Variants in RSF1 observed in about 807,000 individuals in gnomAD.
RSF1 encodes the protein remodeling and spacing factor 1, also known as HBV pX-associated protein 8.
A neutral mutation model predicts 145.2 loss-of-function variants in RSF1; 13 were observed. That is an observed-to-expected ratio of 0.09 (90% CI 0.06 to 0.14). The LOEUF is 0.14. Ranked by LOEUF, RSF1 falls within the 10% of genes least tolerant of loss-of-function variation. The pLI is 1.00. For missense variants in RSF1, 1,517 were observed against 1,718.2 expected, an observed-to-expected ratio of 0.88 and a Z score of 2.07; for synonymous variants, 577 against 592.6, an observed-to-expected ratio of 0.97 and a Z score of 0.38.
At chr11:77,688,875 G>T (rs540506108) in intron 9 of RSF1, among the ~76,000 whole-genome samples, 147 of 152,346 alleles carry the variant, frequency 9.6e-4, no homozygotes, top group Non-Finnish European at 1.8e-3. Context: ...TTACGAGCCA[G>T]AGTGCTCAAA....
At chr11:77,831,669 G>A in the RSF1 span, among the ~76,000 whole-genome samples, 1 of 149,932 alleles carries the variant, frequency 6.7e-6, no homozygotes, top group Non-Finnish European at 1.5e-5. Flanking sequence ...GAAAGAAGCA[G>A]CCACCTTTCA....
chr11:77,690,033 G>A (rs1240066997), intron 9 of RSF1, among the ~76,000 whole-genome samples: 2 of 151,908 alleles, frequency 1.3e-5, no homozygotes, highest in Non-Finnish European at 2.9e-5. Flanking sequence ...GTGGTGGCGG[G>A]TGCCTGTAGT....
At position 77,701,125 on chromosome 11, in the gene RSF1, G is replaced by T; in HGVS notation, c.2104C>A (p.Gln702Lys). 1 of 1,613,296 alleles carries T rather than the reference G, an allele frequency of 6.2e-7. No homozygotes were observed. Among genetic ancestry groups the T allele is most frequent in the Non-Finnish European group, 8.5e-7 (1 of 1,179,840 alleles). Residue 702 changes from glutamine (Q) to lysine (K), a missense_variant, in exon 6 of 16, where the codon CAA (glutamine) becomes AAA (lysine). Physicochemically the swap from Gln to Lys is moderately conservative, Grantham distance 53. Transcript: ENST00000308488. ...AACTTATATTTGAATTTGCTTTTTT[G>T]CATAGAACCCTTTGTCTCAGAAGGC... ...EEPSETKGSM[Q>K]KSKFKYKLVP...
chr11:77,820,320 G>A (rs1367581357), intron 1 of RSF1, among the ~76,000 whole-genome samples: 4 of 152,198 alleles, frequency 2.6e-5, no homozygotes, highest in Non-Finnish European at 4.4e-5. Context: ...CCGCCCGGCC[G>A]AGTGGCCCTA....
chr11:77,825,317 T>G (rs1484810743), upstream of RSF1, among the ~76,000 whole-genome samples: 1 of 151,936 alleles, frequency 6.6e-6, no homozygotes, highest in Non-Finnish European at 1.5e-5. Context: ...GCTCAGTAAA[T>G]GTATATTGAG....
the RSF1 span, among the ~76,000 whole-genome samples, chr11:77,832,951 A>ATG: frequency 0.033 from 2,253 of 68,364 alleles, 130 homozygotes; most frequent in South Asian, 0.056. Context: ...GTATATATAT[A>ATG]TGTGTGTGTG....
chr11:77,720,795 T>C (rs1408194520), intron 5 of RSF1, among the ~76,000 whole-genome samples: 1 of 152,176 alleles, frequency 6.6e-6, no homozygotes, highest in African/African-American at 2.4e-5. Context: ...CTGGAACCAG[T>C]ACTCATGTAA....
At chr11:77,693,701 C>T (rs1590833675) in intron 7 of RSF1, 90 bp from the exon 8 acceptor site, 1 of 636,600 alleles carries the variant, frequency 1.6e-6, no homozygotes, top group Non-Finnish European at 2.7e-6. Context: ...GAGTACTATA[C>T]TGCAAAGCAC....
chr11:77,763,290 C>G (rs2510855), intron 2 of RSF1: 1 of 148,186 alleles, frequency 6.7e-6, no homozygotes, highest in Admixed American at 6.8e-5. Flanking sequence ...TGCAGTGAGC[C>G]GAGACAGCAC....
At chr11:77,781,769 G>T (rs559125476) in intron 1 of RSF1, among the ~76,000 whole-genome samples, 1 of 152,190 alleles carries the variant, frequency 6.6e-6, no homozygotes, top group Admixed American at 6.5e-5. Flanking sequence ...CTACTGAGAG[G>T]GAAGTGTTGA....
intron 5 of RSF1, among the ~76,000 whole-genome samples, chr11:77,723,375 A>G (rs1960982109): frequency 6.6e-6 from 1 of 151,608 alleles, no homozygotes; most frequent in African/African-American, 2.4e-5. Flanking sequence ...AAGGGCTGGG[A>G]TCACTTGAGC....
At chr11:77,738,152 G>C (rs1166369974) in intron 4 of RSF1, among the ~76,000 whole-genome samples, 1 of 139,226 alleles carries the variant, frequency 7.2e-6, no homozygotes, top group African/African-American at 2.9e-5. Flanking sequence ...CAAAAGAAAA[G>C]CGAATAGTTA....
intron 5 of RSF1, among the ~76,000 whole-genome samples, chr11:77,722,339 T>C (rs1305847932): frequency 6.6e-6 from 1 of 152,204 alleles, no homozygotes; most frequent in African/African-American, 2.4e-5. Flanking sequence ...AACAGGTGTA[T>C]AACGGCCTTT....
intron 15 of RSF1, among the ~76,000 whole-genome samples, chr11:77,667,865 G>A (rs1463017340): frequency 1.3e-5 from 2 of 151,716 alleles, no homozygotes; most frequent in Non-Finnish European, 2.9e-5. Context: ...CACCACGCCT[G>A]GCTAACTTTT....
chr11:77,704,486 T>A (rs936893333), intron 5 of RSF1, among the ~76,000 whole-genome samples: 1 of 152,298 alleles, frequency 6.6e-6, no homozygotes, highest in East Asian at 1.9e-4. Flanking sequence ...GATTTCTCCA[T>A]GTTTTCATTC....
intron 1 of RSF1, among the ~76,000 whole-genome samples, chr11:77,798,227 A>G (rs1444788264): frequency 6.6e-6 from 1 of 152,184 alleles, no homozygotes; most frequent in African/African-American, 2.4e-5. Context: ...ACTGCAGCAT[A>G]AATCACAATA....
At chr11:77,844,285 A>G in the RSF1 span, among the ~76,000 whole-genome samples, 1 of 152,202 alleles carries the variant, frequency 6.6e-6, no homozygotes, top group African/African-American at 2.4e-5. Flanking sequence ...CATTGGGATT[A>G]GAGTTTCAAT....
the RSF1 span, among the ~76,000 whole-genome samples, chr11:77,852,224 C>CAAAAAAAAAAA: frequency 9.3e-4 from 31 of 33,504 alleles, 4 homozygotes; most frequent in East Asian, 0.015. Flanking sequence ...GACACTGTCT[C>CAAAAAAAAAAA]AAAAAAAAAA....
At chr11:77,844,096 GC>G in the RSF1 span, among the ~76,000 whole-genome samples, 1 of 152,050 alleles carries the variant, frequency 6.6e-6, no homozygotes, top group East Asian at 1.9e-4. Context: ...TGGGGACACA[GC>G]CAAACTGTAT....
Sources: allele counts gnomAD v4.1 joint callset (sites outside exome capture counted in the v4.1 genomes callset), GRCh38; gene constraint gnomAD v4.1.1; transcripts MANE v1.5; gene names NCBI Gene and HGNC (gene_info 2026-07-23, HGNC 2026-07-21).